ROCK1: variants seen among roughly 807,000 people sequenced by gnomAD.
ROCK1 encodes the protein rho-associated protein kinase 1.
A neutral mutation model predicts 196.8 loss-of-function variants in ROCK1; 36 were observed. That is an observed-to-expected ratio of 0.18 (90% CI 0.14 to 0.24). The LOEUF is 0.24. Ranked by LOEUF, ROCK1 falls within the 10% of genes least tolerant of loss-of-function variation. ROCK1 has a pLI of 1.00. For missense variants in ROCK1, 920 were observed against 1,562.0 expected (o/e 0.59, Z 6.93); for synonymous variants, 443 against 515.9 (o/e 0.86, Z 1.91).
intron 2 of ROCK1, among the ~76,000 whole-genome samples, chr18:21,068,091 C>A (rs374438408): frequency 5.9e-5 from 9 of 152,166 alleles, no homozygotes; most frequent in East Asian, 3.8e-4. Context: ...TCTAATTTAT[C>A]CTTTTTCAAA....
intron 20 of ROCK1, among the ~76,000 whole-genome samples, 172 bp from the exon 21 acceptor site, chr18:20,983,004 C>T (rs948139419): frequency 2.0e-5 from 3 of 151,868 alleles, no homozygotes; most frequent in African/African-American, 7.3e-5. Flanking sequence ...CAGGCCACAC[C>T]GGTTCTATCT....
At chr18:21,100,140 T>C (rs2036645933) in intron 1 of ROCK1, among the ~76,000 whole-genome samples, 1 of 146,572 alleles carries the variant, frequency 6.8e-6, no homozygotes, top group South Asian at 2.1e-4. Flanking sequence ...TTTTAAGTAC[T>C]GGAAAAAAAG....
At chr18:21,031,237 C>T (rs963643959) in intron 9 of ROCK1, among the ~76,000 whole-genome samples, 2 of 152,068 alleles carry the variant, frequency 1.3e-5, no homozygotes, top group African/African-American at 4.8e-5. Context: ...AAAACAATGT[C>T]CAGTTTACAA....
Position 21,111,003 on chromosome 18 carries a change from G to T in ROCK1, c.-93C>A. On this transcript the variant is annotated 5_prime_UTR_variant, in exon 1 of 33. Coordinates refer to ENST00000399799, the MANE Select transcript of ROCK1 (RefSeq NM_005406.3). The surrounding 1 kb of genome is among the most constrained non-coding windows in gnomAD (Gnocchi z 4.2). ...TCCGCGGTGGGTTCGCAGCCGCGGG[G>T]CGGAGGAGCCGGAACCTCAGGGTCA... 1 of 1,066,124 alleles carries T rather than the reference G, an allele frequency of 9.4e-7. No homozygotes were observed. 66.0% of individuals were successfully genotyped at this position (1,066,124 alleles called of 1,614,324 possible). A position where few individuals can be genotyped will look rare whatever the true frequency, so the allele number is the denominator to read the frequency against.
intron 2 of ROCK1, among the ~76,000 whole-genome samples, chr18:21,065,535 G>GT (rs1407345686): frequency 1.3e-5 from 2 of 151,968 alleles, no homozygotes; most frequent in Non-Finnish European, 2.9e-5. Context: ...TAAAGTCTCT[G>GT]TGACATCCAT....
At chr18:21,024,411 C>G (rs1169687838) in intron 10 of ROCK1, among the ~76,000 whole-genome samples, 1 of 151,984 alleles carries the variant, frequency 6.6e-6, no homozygotes, top group Non-Finnish European at 1.5e-5. Context: ...TTTAAGCTAC[C>G]AAATATTATA....
chr18:20,955,396 G>A lies in ROCK1; in HGVS notation c.3513-151C>T. 11 of 953,946 alleles carry A rather than the reference G, an allele frequency of 1.2e-5. No individual in the cohort carries two copies. In the South Asian group the frequency reaches 2.2e-4, roughly 19 times the overall value. 59.1% of individuals were successfully genotyped at this position (953,946 alleles called of 1,614,324 possible). ...GAAATGCAAATTAAAACCACAATAA[G>A]TGTCACTACACATCTATCAGAGTTA... is the stretch of plus-strand genomic sequence containing the variant. On this transcript the variant is annotated intron_variant, in intron 29 of 32. Coordinates refer to ENST00000399799, the MANE Select transcript of ROCK1 (RefSeq NM_005406.3).
chr18:21,091,142 A>C (rs2036566692), intron 1 of ROCK1, among the ~76,000 whole-genome samples: 1 of 151,900 alleles, frequency 6.6e-6, no homozygotes, highest in Admixed American at 6.6e-5. Context: ...CCCCTGATAC[A>C]AAGACCAATC....
At chr18:21,002,754 GTT>G (rs1389760245) in intron 16 of ROCK1, among the ~76,000 whole-genome samples, 4 of 152,070 alleles carry the variant, frequency 2.6e-5, no homozygotes, top group African/African-American at 9.7e-5. Flanking sequence ...GTTTGTTGTT[GTT>G]TTTGAGACAG....
rs539913050 is a variant in ROCK1, at chr18:21,030,327, T to C, written c.1052-1392A>G. 5.9e-5 allele frequency among the ~76,000 whole-genome samples: 9 copies of C among 152,324 alleles called. No individual in the cohort carries two copies. The South Asian group carries it at 1.9e-3, about 32-fold the overall frequency. ...AGCAATGTCTGGGTACATATTCTGGTTGTCATTAATGGGAAAAAAGGTGTT... is the reference window on the plus strand; with the variant it reads ...AGCAATGTCTGGGTACATATTCTGGCTGTCATTAATGGGAAAAAAGGTGTT... On this transcript the variant is annotated intron_variant, in intron 9 of 32. Coordinates refer to ENST00000399799, the MANE Select transcript of ROCK1 (RefSeq NM_005406.3).
chr18:20,976,152 G>A (rs924216076), intron 22 of ROCK1, among the ~76,000 whole-genome samples: 1 of 143,092 alleles, frequency 7.0e-6, no homozygotes, highest in African/African-American at 3.0e-5. Context: ...AGTGCCCCCT[G>A]CATCTATATA....
intron 1 of ROCK1, among the ~76,000 whole-genome samples, chr18:21,098,638 A>C (rs1340344927): frequency 6.1e-5 from 9 of 148,538 alleles, no homozygotes; most frequent in Non-Finnish European, 1.5e-5. Flanking sequence ...AAAATTGCAA[A>C]AAAAAAAAAA....
Position 21,035,191 on chromosome 18 carries a change from G to A in ROCK1, c.1051+4281C>T, listed in dbSNP as rs139518938. Reference sequence around the variant, plus strand: ...AGAAACCAGACCCATGTGCACTGCCGTTGGGAATGTGAAACGGTGCAAACA... The same window carrying A: ...AGAAACCAGACCCATGTGCACTGCCATTGGGAATGTGAAACGGTGCAAACA... On this transcript the variant is annotated intron_variant, in intron 9 of 32. Transcript: ENST00000399799. Among the ~76,000 whole-genome samples, 151 of 152,330 alleles carry A rather than the reference G, an allele frequency of 9.9e-4. 1 individual carries two copies. The highest frequency in any genetic ancestry group is 3.3e-3 in the Admixed American group (50 of 15,306).
intron 2 of ROCK1, among the ~76,000 whole-genome samples, chr18:21,068,088 T>A (rs1598550698): frequency 6.6e-6 from 1 of 152,252 alleles, no homozygotes. Context: ...AAGTCTAATT[T>A]ATCCTTTTTC....
At chr18:21,000,513 G>A (rs532434406) in intron 16 of ROCK1, among the ~76,000 whole-genome samples, 60 of 152,186 alleles carry the variant, frequency 3.9e-4, no homozygotes, top group African/African-American at 1.2e-3. Flanking sequence ...TCTGCCCAGC[G>A]CAGCCTCCCA....
chr18:20,961,059 A>C (rs546953338), intron 27 of ROCK1, among the ~76,000 whole-genome samples: 2 of 152,300 alleles, frequency 1.3e-5, no homozygotes, highest in African/African-American at 4.8e-5. Flanking sequence ...TATTGTTTAA[A>C]TATAACTAAT....
chr18:21,034,398 ACTACAGAG>A (rs1288287051), intron 9 of ROCK1, among the ~76,000 whole-genome samples: 1 of 152,214 alleles, frequency 6.6e-6, no homozygotes, highest in African/African-American at 2.4e-5. Flanking sequence ...TTCAAAACTT[ACTACAGAG>A]CTACCATAAT....
chr18:20,995,153 A>C (rs1028500588), intron 16 of ROCK1, among the ~76,000 whole-genome samples: 1 of 152,196 alleles, frequency 6.6e-6, no homozygotes, highest in Non-Finnish European at 1.5e-5. Flanking sequence ...ATATTTCAAA[A>C]TAGCTAGAAG....
chr18:20,985,417 A>G (rs1039511330), intron 19 of ROCK1, among the ~76,000 whole-genome samples: 2 of 151,656 alleles, frequency 1.3e-5, no homozygotes, highest in African/African-American at 4.8e-5. Flanking sequence ...TGTACGCACT[A>G]CTCCTGTTTT....
Sources: allele counts gnomAD v4.1 joint callset (sites outside exome capture counted in the v4.1 genomes callset), GRCh38; gene constraint gnomAD v4.1.1; non-coding constraint Gnocchi (gnomAD v3.1); transcripts MANE v1.5; gene names NCBI Gene and HGNC (gene_info 2026-07-23, HGNC 2026-07-21).